Variants in NUP214 observed in about 807,000 individuals in gnomAD.
NUP214 encodes nuclear pore complex protein Nup214.
NUP214 carries 79 observed loss-of-function variants against 196.2 expected under a neutral mutation model. That is an observed-to-expected ratio of 0.40 (90% confidence interval 0.34 to 0.49). NUP214 has a LOEUF of 0.49. Among genes scored for constraint, NUP214 ranks in the 20% least tolerant of loss-of-function variants. The pLI, the probability that NUP214 is intolerant of heterozygous loss-of-function variation, is 0.58. For synonymous variants in NUP214, 1,020 were observed against 990.5 expected (o/e 1.03, Z -0.56); for missense variants, 2,468 against 2,539.0 (o/e 0.97, Z 0.60).
intron 11 of NUP214, among the ~76,000 whole-genome samples, chr9:131,143,656 A>G (rs1831995282): frequency 6.6e-6 from 1 of 152,162 alleles, no homozygotes; most frequent in Non-Finnish European, 1.5e-5. Context: ...ATTAGTCCTG[A>G]AATTTTAAAA....
chr9:131,178,011 A>G (rs1043492326), intron 23 of NUP214, among the ~76,000 whole-genome samples: 18 of 152,196 alleles, frequency 1.2e-4, no homozygotes, highest in African/African-American at 4.3e-4. Flanking sequence ...TCCAGGACAG[A>G]CCAGCAGTGT....
At chr9:131,231,322 G>C (rs1834871925) in intron 34 of NUP214, among the ~76,000 whole-genome samples, 1 of 152,264 alleles carries the variant, frequency 6.6e-6, no homozygotes, top group East Asian at 1.9e-4. Context: ...CCTTTGAGTA[G>C]CTGGGTCTAC....
rs1012074115 is a variant in NUP214 at position 131,127,541 on chromosome 9, G to T, written c.63G>T (p.Ala21=). The T allele has an allele frequency of 6.2e-7, 1 of 1,611,518 alleles. No individual in the cohort carries two copies. The highest frequency in any genetic ancestry group is 1.3e-5 in the African/African-American group (1 of 74,872). Residue 21 remains alanine, a synonymous_variant, in exon 2 of 36, where the codon GCG becomes GCT. Transcript: ENST00000359428. The stretch of plus-strand genomic sequence containing the variant: ...CACAACAGGATTTTCAGTTTAGAGC[G>T]CTAAAGAAGGTGAGAATCTTTGACT... ...EREMKDFQFR[A]LKKVRIFDSP... is the part of the protein sequence containing the mutation.
chr9:131,133,966 A>G (rs1264843098), intron 7 of NUP214, among the ~76,000 whole-genome samples: 1 of 152,058 alleles, frequency 6.6e-6, no homozygotes, highest in Non-Finnish European at 1.5e-5. Context: ...TATTTTTTAG[A>G]GACAGAATCT....
chr9:131,153,323 C>A, intron 17 of NUP214: 1 of 151,764 alleles, frequency 6.6e-6, no homozygotes, highest in Non-Finnish European at 1.5e-5. Context: ...CCCAGTGTTT[C>A]TGTCCCACAC....
chr9:131,142,662 A>G (rs967418887), intron 11 of NUP214, among the ~76,000 whole-genome samples: 27 of 152,264 alleles, frequency 1.8e-4, no homozygotes, highest in African/African-American at 4.8e-4. Flanking sequence ...TTTAACATCT[A>G]TGTATGTCTT....
intron 17 of NUP214, among the ~76,000 whole-genome samples, chr9:131,154,452 C>CT (rs1832372769): frequency 6.6e-6 from 1 of 152,058 alleles, no homozygotes; most frequent in Non-Finnish European, 1.5e-5. Flanking sequence ...GTCTGTCTAT[C>CT]TATCTATTTA....
intron 18 of NUP214, among the ~76,000 whole-genome samples, chr9:131,159,828 G>T (rs917233112): frequency 2.0e-5 from 3 of 151,258 alleles, no homozygotes; most frequent in African/African-American, 7.3e-5. Flanking sequence ...CTGCCCTCCA[G>T]CCTGGGCAAC....
intron 9 of NUP214, among the ~76,000 whole-genome samples, chr9:131,137,806 C>T (rs966965001): frequency 1.3e-5 from 2 of 152,168 alleles, no homozygotes; most frequent in Non-Finnish European, 2.9e-5. Context: ...CCGCCTCAGC[C>T]TCCCAAAGTG....
chr9:131,192,166 A>ATTTTT, intron 26 of NUP214, 42 bp from the exon 27 acceptor site: 2 of 725,704 alleles, frequency 2.8e-6, no homozygotes, highest in East Asian at 5.2e-5. Flanking sequence ...TTTTTGTAAT[A>ATTTTT]TTCTTTTTTT....
rs1380273363 is a variant in NUP214, at chr9:131,146,589, C to G, written c.1945+285C>G. ...GCATTTATTTTCATATGGAGCCTGC[C>G]CTCCATGAAGAGCAGTTACATAACA... On this transcript the variant is annotated intron_variant, in intron 13 of 35. Coordinates refer to ENST00000359428, the MANE Select transcript of NUP214 (RefSeq NM_005085.4). This position sits in a 1 kb window ranked among gnomAD's most constrained non-coding sequence, Gnocchi z 4.6. Among the ~76,000 whole-genome samples, 1 of 152,058 alleles carries G rather than the reference C, an allele frequency of 6.6e-6. No homozygotes were observed. Among genetic ancestry groups the G allele is most frequent in the Non-Finnish European group, 1.5e-5 (1 of 68,012 alleles).
rs1831520686 is a variant in NUP214 at position 131,130,672 on chromosome 9, A to G, written c.593-94A>G. The G allele has an allele frequency of 4.4e-6, 5 of 1,148,008 alleles. No homozygotes were observed. In the East Asian group the frequency reaches 1.2e-4, roughly 27 times the overall value. 71.1% of individuals were successfully genotyped at this position (1,148,008 alleles called of 1,614,324 possible). On this transcript the variant is annotated intron_variant, in intron 4 of 35. Transcript: ENST00000359428. Reference sequence around the variant, plus strand: ...ATCCTACAATCTTCCATGGACTGACAGAGGAATGAGAATTGATAATTAGCT... The same window carrying G: ...ATCCTACAATCTTCCATGGACTGACGGAGGAATGAGAATTGATAATTAGCT...
chr9:131,217,751 C>A (rs1834443548), intron 31 of NUP214, among the ~76,000 whole-genome samples: 1 of 152,170 alleles, frequency 6.6e-6, no homozygotes, highest in South Asian at 2.1e-4. Context: ...TGTTACTGGC[C>A]AATTTTGTTA....
intron 32 of NUP214, among the ~76,000 whole-genome samples, chr9:131,223,711 T>TTATTTATTTATTTATTTA (rs1554742593): frequency 3.7e-5 from 1 of 27,134 alleles, no homozygotes; most frequent in Non-Finnish European, 8.0e-5. Context: ...TTTTTTTTAT[T>TTATTTATTTATTTATTTA]TTTATTTATT....
At chr9:131,215,113 A>G in intron 30 of NUP214, 99 bp from the exon 31 acceptor site, 1 of 1,149,410 alleles carries the variant, frequency 8.7e-7, no homozygotes, top group Non-Finnish European at 1.2e-6. Flanking sequence ...TGCTTTTTCC[A>G]TTTGTGCCAG....
Position 131,198,556 on chromosome 9 carries a change from CAGCAGACTGGT to C in NUP214, c.5067_5077del (p.Gln1689HisfsTer17). The C allele has an allele frequency of 1.9e-6, 3 of 1,614,232 alleles. No individual in the cohort carries two copies. The highest frequency in any genetic ancestry group is 2.5e-6 in the Non-Finnish European group (3 of 1,180,038). ...CAGCACCGCACCAAGTCTGTTTGGGCAGCAGACTGGTAGCACAGCCAGCACAGCAGCTGCCA... is the reference window on the plus strand; with the variant it reads ...CAGCACCGCACCAAGTCTGTTTGGGCAGCACAGCCAGCACAGCAGCTGCCA... On this transcript the variant is annotated frameshift_variant, in exon 29 of 36. Coordinates refer to ENST00000359428, the MANE Select transcript of NUP214 (RefSeq NM_005085.4). LOFTEE classifies it high-confidence loss of function.
chr9:131,152,105 TTTTTTTTAAAATAC>T (rs1469014814), intron 17 of NUP214, among the ~76,000 whole-genome samples: 2 of 138,324 alleles, frequency 1.4e-5, no homozygotes, highest in Non-Finnish European at 3.1e-5. Context: ...AAAACATAGA[TTTTTTTTAAAATAC>T]TTTTTTTCTT....
chr9:131,146,291 G>T lies in NUP214; in HGVS notation c.1932G>T (p.Leu644Phe). The T allele has an allele frequency of 6.2e-7, 1 of 1,614,072 alleles. No individual in the cohort carries two copies. Among genetic ancestry groups the T allele is most frequent in the Non-Finnish European group, 8.5e-7 (1 of 1,179,980 alleles). ...CCGTGCCATTGAAGTCCTCAGTCTT[G>T]CCCTCACCATCAGGTATGATTTTAA... ...PSSVPLKSSV[L>F]PSPSGRSAQG... The change falls in exon 13 of 36, where the codon TTG becomes TTT. Residue 644 changes from leucine to phenylalanine, a missense_variant. By Grantham distance (22) the Leu-to-Phe change is conservative. Around this residue, in one of 5 missense-constraint regions of NUP214, gnomAD observed 1,801 missense variants for 1,779.4 expected, o/e 1.01. Transcript: ENST00000359428. This position sits in a 1 kb window ranked among gnomAD's most constrained non-coding sequence, Gnocchi z 4.6.
chr9:131,232,366 G>A lies in NUP214; in HGVS notation c.6239+58G>A. ...TTAAAAGCATTAAATAAGGTTGGAA[G>A]TGTGTGGATCTTGCTGGATTTGTGC... is the stretch of plus-strand genomic sequence containing the variant. On this transcript the variant is annotated intron_variant, in intron 35 of 35. Transcript: ENST00000359428. This position sits in a 1 kb window ranked among gnomAD's most constrained non-coding sequence, Gnocchi z 5.1. 2 of 1,518,186 alleles carry A rather than the reference G, an allele frequency of 1.3e-6. No individual in the cohort carries two copies. Among genetic ancestry groups the A allele is most frequent in the South Asian group, 2.2e-5 (2 of 89,306 alleles). The allele number at this position is 1,518,186 out of a possible 1,614,324, so 94.0% of individuals were successfully genotyped here.
Sources: allele counts gnomAD v4.1 joint callset (sites outside exome capture counted in the v4.1 genomes callset), GRCh38; gene constraint gnomAD v4.1.1; regional missense constraint gnomAD v4.1.1; non-coding constraint Gnocchi (gnomAD v3.1); transcripts MANE v1.5; gene names NCBI Gene and HGNC (gene_info 2026-07-23, HGNC 2026-07-21).